The following GLIS3 variants were observed in gnomAD, a reference collection of about 807,000 sequenced individuals.
The protein encoded by GLIS3 is zinc finger protein GLIS3.
GLIS3 carries 53 observed loss-of-function variants against 78.6 expected under a neutral mutation model. That is an observed-to-expected ratio of 0.67 (90% CI 0.54 to 0.85). GLIS3 has a LOEUF of 0.85. GLIS3 is among the 40% of genes least tolerant of loss of function. The pLI, the probability that GLIS3 is intolerant of heterozygous loss-of-function variation, is 0.00. For missense variants in GLIS3, 1,703 were observed against 1,231.1 expected, an observed-to-expected ratio of 1.38 and a Z score of -5.74; for synonymous variants, 684 against 509.9, an observed-to-expected ratio of 1.34 and a Z score of -4.60.
intron 2 of GLIS3, among the ~76,000 whole-genome samples, chr9:4,215,624 C>T (rs1820759096): frequency 6.6e-6 from 1 of 152,216 alleles, no homozygotes; most frequent in African/African-American, 2.4e-5. Flanking sequence ...TCCACAGAAT[C>T]ATCTTTCTAT....
intron 2 of GLIS3, among the ~76,000 whole-genome samples, chr9:4,190,129 T>C (rs1818201878): frequency 6.6e-6 from 1 of 152,184 alleles, no homozygotes; most frequent in South Asian, 2.1e-4. Context: ...AGAGCGCCTC[T>C]CCTCCTCCAA....
chr9:3,968,743 A>G (rs976539081), intron 4 of GLIS3, among the ~76,000 whole-genome samples: 2 of 152,216 alleles, frequency 1.3e-5, no homozygotes, highest in African/African-American at 4.8e-5. Flanking sequence ...GAACTCATGT[A>G]ACCACCATAG....
At chr9:3,951,840 G>C (rs541198716) in intron 4 of GLIS3, among the ~76,000 whole-genome samples, 1 of 52,146 alleles carries the variant, frequency 1.9e-5, no homozygotes, top group East Asian at 7.6e-4. Flanking sequence ...GAATAAGCAT[G>C]AACACACACA....
At position 3,879,543 on chromosome 9, in the gene GLIS3, G is replaced by T; in HGVS notation, c.2181C>A (p.Ala727=). 6.2e-7 allele frequency: 1 copy of T among 1,614,026 alleles called. No homozygotes were observed. The highest frequency in any genetic ancestry group is 8.5e-7 in the Non-Finnish European group (1 of 1,179,966). ...YSSRSGTAAG[A]VPPPHPVSHP... is the part of the protein sequence containing the mutation. ...GACTGACAGGATGTGGGGGTGGTAC[G>T]GCCCCAGCAGCTGTTCCACTTCGGC... The change falls in exon 8 of 11, where the codon GCC becomes GCA. Residue 727 remains alanine (A), a synonymous_variant. Transcript: ENST00000381971.
chr9:3,877,661 TG>T (rs1821406964), intron 8 of GLIS3, among the ~76,000 whole-genome samples: 1 of 152,240 alleles, frequency 6.6e-6, no homozygotes. Context: ...AAATGAATTT[TG>T]GTCCCTCCTC....
At chr9:4,125,682 G>T in intron 3 of GLIS3, 52 bp downstream of exon 3, 1 of 1,221,606 alleles carries the variant, frequency 8.2e-7, no homozygotes, top group Non-Finnish European at 1.2e-6. Flanking sequence ...GAAAACACTT[G>T]TGGGGTGTGT....
At chr9:4,154,174 T>G (rs961442483) in intron 2 of GLIS3, among the ~76,000 whole-genome samples, 1 of 152,188 alleles carries the variant, frequency 6.6e-6, no homozygotes, top group East Asian at 1.9e-4. Flanking sequence ...CCAACAGATG[T>G]AGCATCACTT....
At chr9:3,941,110 T>G (rs536510915) in intron 4 of GLIS3, among the ~76,000 whole-genome samples, 1 of 152,292 alleles carries the variant, frequency 6.6e-6, no homozygotes, top group African/African-American at 2.4e-5. Flanking sequence ...ACTACTACAG[T>G]GTGAGCAGGT....
intron 2 of GLIS3, among the ~76,000 whole-genome samples, chr9:4,163,831 G>A (rs1297053936): frequency 1.3e-5 from 2 of 152,088 alleles, no homozygotes; most frequent in East Asian, 3.8e-4. Context: ...GTTTTGTTGT[G>A]CTTATTACAC....
chr9:4,405,589 C>G, the GLIS3 span, among the ~76,000 whole-genome samples: 1 of 152,014 alleles, frequency 6.6e-6, no homozygotes, highest in Non-Finnish European at 1.5e-5. Flanking sequence ...AATAAAAAGT[C>G]TCCTAGTAAA....
intron 2 of GLIS3, among the ~76,000 whole-genome samples, chr9:4,257,709 G>T (rs552363497): frequency 5.9e-5 from 9 of 151,900 alleles, no homozygotes; most frequent in Middle Eastern, 3.4e-3. Context: ...AAGTAGCTGG[G>T]ACTACAGGTG....
chr9:4,466,948 C>T, the GLIS3 span, among the ~76,000 whole-genome samples: 1 of 152,224 alleles, frequency 6.6e-6, no homozygotes, highest in African/African-American at 2.4e-5. Context: ...CTGCGTTTTT[C>T]CAACAGTCTT....
chr9:3,839,069 A>G (rs2130047423), intron 9 of GLIS3, among the ~76,000 whole-genome samples: 1 of 152,328 alleles, frequency 6.6e-6, no homozygotes, highest in Non-Finnish European at 1.5e-5. Flanking sequence ...CCTTAATATT[A>G]GAATACCATA....
intron 2 of GLIS3, among the ~76,000 whole-genome samples, chr9:4,343,396 T>C (rs763854254): frequency 3.9e-5 from 6 of 152,130 alleles, no homozygotes; most frequent in Non-Finnish European, 8.8e-5. Context: ...GAATGGCTAT[T>C]ATAAAAGGTA....
At chr9:3,890,612 T>C (rs1014950617) in intron 7 of GLIS3, among the ~76,000 whole-genome samples, 3 of 151,978 alleles carry the variant, frequency 2.0e-5, no homozygotes, top group Non-Finnish European at 4.4e-5. Context: ...GGAGTCAGTA[T>C]TATTATTATT....
At chr9:4,439,690 T>G in the GLIS3 span, among the ~76,000 whole-genome samples, 2 of 152,238 alleles carry the variant, frequency 1.3e-5, no homozygotes, top group Non-Finnish European at 2.9e-5. Context: ...TTGTTCTTTT[T>G]GAGACAGAGT....
At chr9:3,951,882 A>ACACACACGCACG (rs756794557) in intron 4 of GLIS3, among the ~76,000 whole-genome samples, 1 of 147,414 alleles carries the variant, frequency 6.8e-6, no homozygotes, top group Non-Finnish European at 1.5e-5. Flanking sequence ...ACACACACAC[A>ACACACACGCACG]CACGCACGCA....
chr9:4,370,662 T>C, the GLIS3 span, among the ~76,000 whole-genome samples: 2 of 151,630 alleles, frequency 1.3e-5, no homozygotes, highest in African/African-American at 4.8e-5. Flanking sequence ...TTAATATGTA[T>C]TTAATATACA....
chr9:4,488,351 GC>G, the GLIS3 span, among the ~76,000 whole-genome samples: 1 of 152,020 alleles, frequency 6.6e-6, no homozygotes, highest in Non-Finnish European at 1.5e-5. Context: ...TATAACATGT[GC>G]CATCCCATGC....
Sources: allele counts gnomAD v4.1 joint callset (sites outside exome capture counted in the v4.1 genomes callset), GRCh38; gene constraint gnomAD v4.1.1; transcripts MANE v1.5; gene names NCBI Gene and HGNC (gene_info 2026-07-23, HGNC 2026-07-21).